The following NRXN1 variants were observed in gnomAD, a reference collection of about 807,000 sequenced individuals.
NRXN1 encodes the protein neurexin-1.
A neutral mutation model predicts 150.9 loss-of-function variants in NRXN1; 39 were observed. The ratio of observed to expected loss-of-function variants is 0.26; its 90% confidence interval spans 0.20 to 0.34. The LOEUF is 0.34. NRXN1 is among the 10% of genes least tolerant of loss of function. The pLI is 1.00. For synonymous variants in NRXN1, 924 were observed against 757.0 expected (o/e 1.22, Z -3.62); for missense variants, 1,815 against 1,949.9 (o/e 0.93, Z 1.30).
chr2:50,980,066 C>G (rs930120217), intron 2 of NRXN1, among the ~76,000 whole-genome samples: 11 of 152,198 alleles, frequency 7.2e-5, no homozygotes, highest in Admixed American at 2.0e-4. Flanking sequence ...ATATCGTTCT[C>G]TTAGTTTTGC....
At chr2:49,923,919 G>C (rs17039456) in intron 22 of NRXN1, among the ~76,000 whole-genome samples, 30,825 of 152,160 alleles carry the variant, frequency 0.2, 3,316 homozygotes, top group East Asian at 0.3. Flanking sequence ...GAGTGTGGCT[G>C]AATAAAAAGC....
intron 5 of NRXN1, among the ~76,000 whole-genome samples, chr2:50,648,622 A>C (rs1439361277): frequency 2.0e-5 from 3 of 151,964 alleles, no homozygotes; most frequent in Admixed American, 2.0e-4. Flanking sequence ...AAATATGATG[A>C]TGTTTATGGT....
At chr2:50,545,802 C>A (rs939648022) in intron 9 of NRXN1, among the ~76,000 whole-genome samples, 7 of 152,108 alleles carry the variant, frequency 4.6e-5, no homozygotes, top group Admixed American at 2.0e-4. Context: ...CCTGGAGACA[C>A]CAAAATCTGT....
intron 2 of NRXN1, among the ~76,000 whole-genome samples, chr2:50,954,374 T>G (rs1691922307): frequency 6.6e-6 from 1 of 152,206 alleles, no homozygotes; most frequent in Non-Finnish European, 1.5e-5. Flanking sequence ...CTCTACATAT[T>G]GCTGTCAACA....
chr2:50,443,120 T>A (rs2086106598), intron 17 of NRXN1, among the ~76,000 whole-genome samples: 1 of 151,996 alleles, frequency 6.6e-6, no homozygotes, highest in Non-Finnish European at 1.5e-5. Flanking sequence ...AAAAAGCGCA[T>A]GAGGTAGATG....
intron 18 of NRXN1, among the ~76,000 whole-genome samples, chr2:50,221,651 T>C (rs772784329): frequency 6.6e-5 from 10 of 151,900 alleles, no homozygotes; most frequent in Non-Finnish European, 1.2e-4. Flanking sequence ...TTTAGCTCAC[T>C]ATAGATGCAA....
intron 21 of NRXN1, among the ~76,000 whole-genome samples, chr2:49,955,658 C>T: frequency 6.6e-6 from 1 of 151,720 alleles, no homozygotes; most frequent in East Asian, 1.9e-4. Flanking sequence ...CTATCTCTTA[C>T]AAACTCTCTT....
intron 5 of NRXN1, among the ~76,000 whole-genome samples, chr2:50,664,909 A>T (rs1490814681): frequency 1.3e-5 from 2 of 152,066 alleles, no homozygotes; most frequent in South Asian, 2.1e-4. Flanking sequence ...AGAGATATTT[A>T]TCCTTCAAAT....
intron 5 of NRXN1, among the ~76,000 whole-genome samples, chr2:50,892,775 A>G (rs1338631566): frequency 6.6e-6 from 1 of 152,208 alleles, no homozygotes; most frequent in Non-Finnish European, 1.5e-5. Context: ...ATGTAAACAC[A>G]TATTATATAT....
chr2:50,854,629 G>A (rs919692575), intron 5 of NRXN1, among the ~76,000 whole-genome samples: 6 of 151,996 alleles, frequency 3.9e-5, no homozygotes, highest in South Asian at 2.1e-4. Flanking sequence ...AAGCCTTGGC[G>A]GAATACCCAA....
chr2:50,683,720 C>A (rs1363140640), intron 5 of NRXN1, among the ~76,000 whole-genome samples: 1 of 139,200 alleles, frequency 7.2e-6, no homozygotes, highest in African/African-American at 2.7e-5. Context: ...AGTGTGAGGG[C>A]AAACAGCTTT....
chr2:50,975,546 C>A (rs887052598), intron 2 of NRXN1, among the ~76,000 whole-genome samples: 3 of 152,006 alleles, frequency 2.0e-5, no homozygotes, highest in African/African-American at 7.2e-5. Context: ...CATCTAAGTC[C>A]CCTAAATATA....
At chr2:50,242,517 A>C (rs756456124) in intron 17 of NRXN1, among the ~76,000 whole-genome samples, 7 of 151,802 alleles carry the variant, frequency 4.6e-5, no homozygotes, top group Non-Finnish European at 1.0e-4. Context: ...TAATTACTAA[A>C]ATTTCATATA....
At chr2:50,619,026 T>C (rs573403539) in intron 8 of NRXN1, 11 of 152,190 alleles carry the variant, frequency 7.2e-5, no homozygotes, top group African/African-American at 2.6e-4. Flanking sequence ...AATCAACCAG[T>C]ATGTTCACAT....
chr2:50,916,837 A>G (rs2104198863), intron 5 of NRXN1: 1 of 151,776 alleles, frequency 6.6e-6, no homozygotes, highest in African/African-American at 2.4e-5. Context: ...TCAAGCTGGG[A>G]CTTTTATTAG....
At chr2:50,970,034 C>A (rs1694759928) in intron 2 of NRXN1, among the ~76,000 whole-genome samples, 1 of 152,126 alleles carries the variant, frequency 6.6e-6, no homozygotes, top group Non-Finnish European at 1.5e-5. Flanking sequence ...TTTAAGCCTG[C>A]ATTCCTTCCT....
At chr2:49,958,411 G>A (rs1047735259) in intron 21 of NRXN1, among the ~76,000 whole-genome samples, 2 of 152,044 alleles carry the variant, frequency 1.3e-5, no homozygotes, top group Non-Finnish European at 2.9e-5. Flanking sequence ...CCTCTTGCCA[G>A]CCTTGCATTT....
chr2:50,132,826 A>G (rs954723973), intron 18 of NRXN1, among the ~76,000 whole-genome samples: 1 of 149,308 alleles, frequency 6.7e-6, no homozygotes, highest in African/African-American at 2.5e-5. Flanking sequence ...AAAGTACTCT[A>G]TGTAAGTTCT....
At chr2:50,926,069 A>C in intron 2 of NRXN1, 114 bp from the exon 3 acceptor site, 4 of 784,002 alleles carry the variant, frequency 5.1e-6, no homozygotes, top group Non-Finnish European at 8.9e-6. Flanking sequence ...CACATCATGC[A>C]AGTGCTCCAT....
Sources: allele counts gnomAD v4.1 joint callset (sites outside exome capture counted in the v4.1 genomes callset), GRCh38; gene constraint gnomAD v4.1.1; transcripts MANE v1.5; gene names NCBI Gene and HGNC (gene_info 2026-07-23, HGNC 2026-07-21).